KCNJ6: variants seen among roughly 807,000 people sequenced by gnomAD.
KCNJ6 encodes the protein G protein-activated inward rectifier potassium channel 2.
A neutral mutation model predicts 34.2 loss-of-function variants in KCNJ6; 9 were observed. The ratio of observed to expected loss-of-function variants is 0.26; its 90% CI spans 0.16 to 0.46. KCNJ6 has a LOEUF of 0.46. Ranked by LOEUF, KCNJ6 falls within the 20% of genes least tolerant of loss-of-function variation. The probability of loss-of-function intolerance (pLI) is 1.00; values close to 1 mark genes in which losing one functional copy is unlikely to be tolerated. For missense variants in KCNJ6, 236 were observed against 531.3 expected (o/e 0.44, Z 5.46); for synonymous variants, 196 against 207.1 (o/e 0.95, Z 0.46).
chr21:37,625,864 G>T (rs1177644521), intron 3 of KCNJ6, among the ~76,000 whole-genome samples: 3 of 152,244 alleles, frequency 2.0e-5, no homozygotes, highest in Non-Finnish European at 4.4e-5. Context: ...GCTCTTGGAG[G>T]TTTAGCCTGG....
chr21:37,717,106 G>GT (rs11400012), intron 2 of KCNJ6: 12,990 of 154,472 alleles, frequency 0.084, 849 homozygotes, highest in African/African-American at 0.18. Context: ...TCCTGGATCT[G>GT]TTTTTGTGTT....
intron 3 of KCNJ6, among the ~76,000 whole-genome samples, chr21:37,638,178 G>A (rs146752055): frequency 1.7e-3 from 260 of 152,240 alleles, no homozygotes; most frequent in African/African-American, 5.9e-3. Context: ...ATGGAGTCTC[G>A]CTCTGTTGCC....
chr21:37,680,527 G>A (rs1291990322), intron 3 of KCNJ6, among the ~76,000 whole-genome samples: 1 of 152,198 alleles, frequency 6.6e-6, no homozygotes, highest in Non-Finnish European at 1.5e-5. Context: ...CGTGAGAGTG[G>A]TTCTGGATGA....
intron 3 of KCNJ6, among the ~76,000 whole-genome samples, chr21:37,631,005 G>C (rs972354579): frequency 5.3e-5 from 8 of 152,004 alleles, no homozygotes; most frequent in Admixed American, 2.0e-4. Context: ...TGGAACTATC[G>C]AGTTCCAGGC....
In KCNJ6 at chr21:37,621,146, G is replaced by A. The variant is rs1450972337; in HGVS notation, c.*4013C>T. 6.6e-6 allele frequency: 1 copy of A among 152,128 alleles called. No homozygotes were observed. Among genetic ancestry groups the A allele is most frequent in the Admixed American group, 6.5e-5 (1 of 15,278 alleles). The allele number at this position is 152,128 out of a possible 1,614,324, so 9.4% of individuals were successfully genotyped here. On this transcript the variant is annotated 3_prime_UTR_variant, in exon 4 of 4. Coordinates refer to ENST00000609713, the MANE Select transcript of KCNJ6 (RefSeq NM_002240.5). ...GAAGATAATGTTTACAATATATAGA[G>A]GACACTGAACTTTCAACTACCTTCC...
chr21:37,879,550 TC>T (rs1234487563), intron 1 of KCNJ6, among the ~76,000 whole-genome samples: 2 of 152,170 alleles, frequency 1.3e-5, no homozygotes, highest in Admixed American at 1.3e-4. Context: ...CCTCAGTTCA[TC>T]CGAGATCATG....
chr21:37,898,197 T>C (rs1047894465), intron 1 of KCNJ6, among the ~76,000 whole-genome samples: 8 of 152,214 alleles, frequency 5.3e-5, no homozygotes, highest in Non-Finnish European at 7.3e-5. Flanking sequence ...TGGAATCTGA[T>C]TTGTACATTT....
intron 1 of KCNJ6, among the ~76,000 whole-genome samples, chr21:37,910,623 T>C (rs2055862814): frequency 6.6e-6 from 1 of 152,202 alleles, no homozygotes. Context: ...TGACTGGGAA[T>C]AAGACCGGTG....
intron 2 of KCNJ6, among the ~76,000 whole-genome samples, chr21:37,818,556 T>C (rs1189703503): frequency 6.6e-6 from 1 of 152,198 alleles, no homozygotes; most frequent in African/African-American, 2.4e-5. Flanking sequence ...TGTCACTAAA[T>C]GTAGGTCTCT....
chr21:37,666,012 C>CATG (rs1231825110), intron 3 of KCNJ6, among the ~76,000 whole-genome samples: 3 of 152,138 alleles, frequency 2.0e-5, no homozygotes, highest in African/African-American at 7.2e-5. Context: ...TAGTTGCTAC[C>CATG]ATGATGTCAT....
At chr21:37,644,648 C>T (rs2054395490) in intron 3 of KCNJ6, among the ~76,000 whole-genome samples, 1 of 152,200 alleles carries the variant, frequency 6.6e-6, no homozygotes, top group Non-Finnish European at 1.5e-5. Context: ...AAAAATTAAA[C>T]ACAGCTTACG....
chr21:37,820,585 C>A (rs2055369004), intron 2 of KCNJ6, among the ~76,000 whole-genome samples: 1 of 152,212 alleles, frequency 6.6e-6, no homozygotes, highest in Non-Finnish European at 1.5e-5. Context: ...TCTGATCAAA[C>A]TTCCTGCTAC....
intron 1 of KCNJ6, among the ~76,000 whole-genome samples, chr21:37,871,988 G>A (rs547193109): frequency 6.6e-6 from 1 of 152,306 alleles, no homozygotes; most frequent in African/African-American, 2.4e-5. Context: ...CAAATGAGAA[G>A]CAAATTTCCC....
intron 2 of KCNJ6, among the ~76,000 whole-genome samples, chr21:37,738,015 G>A (rs1163638739): frequency 2.6e-5 from 4 of 152,146 alleles, no homozygotes; most frequent in African/African-American, 9.7e-5. Flanking sequence ...TGGAATGATG[G>A]GTTTCAGGAC....
intron 3 of KCNJ6, among the ~76,000 whole-genome samples, chr21:37,626,763 T>A (rs1016651604): frequency 6.6e-6 from 1 of 152,222 alleles, no homozygotes; most frequent in Non-Finnish European, 1.5e-5. Context: ...CTATGGCCCA[T>A]GATACTTTTA....
In KCNJ6 at chr21:37,618,973, T is replaced by A. The variant is rs570113641; in HGVS notation, c.*6186A>T. 1 of 152,370 alleles carries A rather than the reference T, an allele frequency of 6.6e-6. No homozygotes were observed. Among genetic ancestry groups the A allele is most frequent in the East Asian group, 1.9e-4 (1 of 5,184 alleles). 9.4% of individuals were successfully genotyped at this position (152,370 alleles called of 1,614,324 possible). A position where few individuals can be genotyped will look rare whatever the true frequency, so the allele number is the denominator to read the frequency against. The stretch of plus-strand genomic sequence containing the variant: ...TGAGATTTGTTTCCTCCCACTTAGT[T>A]GTTTCCTCCCACTCTTCCATGCAGT... On this transcript the variant is annotated 3_prime_UTR_variant, in exon 4 of 4. Transcript: ENST00000609713.
At position 37,870,490 on chromosome 21, in the gene KCNJ6, C is replaced by T. The variant is rs115426668; in HGVS notation, c.-27-29781G>A. ...TTGGGATCCAAAATAGCCAGTCCAT[C>T]AGGATGGAACATTCTCTCTCTGCCT... On this transcript the variant is annotated intron_variant, in intron 1 of 3. Transcript: ENST00000609713. Among the ~76,000 whole-genome samples the T allele has an allele frequency of 6.9e-3, 1,048 of 152,230 alleles. 13 individuals are homozygous for T. The highest frequency in any genetic ancestry group is 0.024 in the African/African-American group (1,010 of 41,538).
chr21:37,756,889 A>G (rs375043881), intron 2 of KCNJ6, among the ~76,000 whole-genome samples: 1 of 79,992 alleles, frequency 1.3e-5, no homozygotes. Flanking sequence ...CGGAGTGAGC[A>G]CTCCCTCACA....
At chr21:37,664,847 A>G (rs2054506617) in intron 3 of KCNJ6, among the ~76,000 whole-genome samples, 1 of 141,506 alleles carries the variant, frequency 7.1e-6, no homozygotes, top group Non-Finnish European at 1.5e-5. Flanking sequence ...CCCAGGCTGA[A>G]GTGCAGTGGC....
Sources: allele counts gnomAD v4.1 joint callset (sites outside exome capture counted in the v4.1 genomes callset), GRCh38; gene constraint gnomAD v4.1.1; transcripts MANE v1.5; gene names NCBI Gene and HGNC (gene_info 2026-07-23, HGNC 2026-07-21).